The following PRKACB variants were observed in gnomAD, a reference collection of about 807,000 sequenced individuals.
PRKACB encodes cAMP-dependent protein kinase catalytic subunit beta.
Under a neutral mutation model 51.4 loss-of-function variants are expected in PRKACB, and 16 were observed. That is an observed-to-expected ratio of 0.31 (90% CI 0.21 to 0.47). The LOEUF is 0.47. Among genes scored for constraint, PRKACB ranks in the 20% least tolerant of loss-of-function variants. The pLI, the probability that PRKACB is intolerant of heterozygous loss-of-function variation, is 1.00. For synonymous variants in PRKACB, 147 were observed against 154.4 expected (o/e 0.95, Z 0.35); for missense variants, 309 against 464.5 (o/e 0.67, Z 3.08).
chr1:84,191,373 G>T (rs546864513), intron 5 of PRKACB, among the ~76,000 whole-genome samples: 2 of 152,022 alleles, frequency 1.3e-5, no homozygotes, highest in African/African-American at 4.8e-5. Flanking sequence ...GGATTGTAAG[G>T]TATAAGCTGA....
intron 1 of PRKACB, among the ~76,000 whole-genome samples, chr1:84,127,637 GT>G (rs1041446081): frequency 4.6e-5 from 7 of 151,734 alleles, no homozygotes; most frequent in Non-Finnish European, 8.8e-5. Context: ...AATTTTGCGG[GT>G]TTTTTTTCTT....
chr1:84,185,223 G>A lies in PRKACB; in HGVS notation c.560+41G>A, dbSNP rs760547513. ...GCTTTCTTCAAATCTTTATATGCTTGTGTTGTTTAACCAGATTTTTAAGTT... is the reference window on the plus strand; with the variant it reads ...GCTTTCTTCAAATCTTTATATGCTTATGTTGTTTAACCAGATTTTTAAGTT... On this transcript the variant is annotated intron_variant, in intron 5 of 9. Transcript: ENST00000370685. 2.9e-6 allele frequency: 4 copies of A among 1,381,190 alleles called. No homozygotes were observed. The African/African-American group carries it at 6.1e-5, about 21-fold the overall frequency. The allele number at this position is 1,381,190 out of a possible 1,614,324, so 85.6% of individuals were successfully genotyped here.
intron 3 of PRKACB, 139 bp from the exon 4 acceptor site, chr1:84,183,898 G>T (rs552447140): frequency 4.5e-6 from 4 of 879,600 alleles, no homozygotes; most frequent in South Asian, 6.0e-5. Flanking sequence ...CTAAAAGTTG[G>T]TAATTGTTAT....
chr1:84,165,109 C>G, intron 1 of PRKACB: 2 of 994,704 alleles, frequency 2.0e-6, no homozygotes, highest in Non-Finnish European at 2.9e-6. Context: ...AAAGCCACAG[C>G]TACTGTGAAT....
chr1:84,173,991 C>T (rs537998313), intron 1 of PRKACB, among the ~76,000 whole-genome samples: 1 of 151,878 alleles, frequency 6.6e-6, no homozygotes, highest in South Asian at 2.1e-4. Context: ...ATTATTTTAT[C>T]CTATTCCCCT....
intron 1 of PRKACB, among the ~76,000 whole-genome samples, chr1:84,132,796 A>G (rs2100558887): frequency 6.6e-6 from 1 of 152,296 alleles, no homozygotes; most frequent in Admixed American, 6.5e-5. Flanking sequence ...TCAGTGAGGC[A>G]AAAATAGGTC....
At chr1:84,224,501 T>A (rs1326144690) in intron 9 of PRKACB, among the ~76,000 whole-genome samples, 4 of 152,112 alleles carry the variant, frequency 2.6e-5, no homozygotes, top group African/African-American at 9.7e-5. Context: ...GTGGCATATG[T>A]GGGTAAGCGC....
chr1:84,202,375 G>C (rs189612412), intron 7 of PRKACB, among the ~76,000 whole-genome samples: 2 of 152,028 alleles, frequency 1.3e-5, no homozygotes, highest in African/African-American at 4.8e-5. Flanking sequence ...CTGTTATTGA[G>C]CAAGAACTAA....
At chr1:84,172,007 G>A (rs1201375814) in intron 1 of PRKACB, among the ~76,000 whole-genome samples, 6 of 151,704 alleles carry the variant, frequency 4.0e-5, no homozygotes, top group East Asian at 3.9e-4. Flanking sequence ...AAATTCTACC[G>A]AGGGATATTT....
At chr1:84,188,332 T>C (rs1476348514) in intron 5 of PRKACB, among the ~76,000 whole-genome samples, 1 of 151,996 alleles carries the variant, frequency 6.6e-6, no homozygotes, top group East Asian at 1.9e-4. Context: ...TCTTTTTTTA[T>C]TAGGGTTCTG....
chr1:84,161,536 TC>T (rs1656192452), intron 1 of PRKACB, among the ~76,000 whole-genome samples: 1 of 151,886 alleles, frequency 6.6e-6, no homozygotes, highest in Admixed American at 6.6e-5. Context: ...GTTCCTCTTT[TC>T]CCTTTCTACC....
At chr1:84,135,390 G>T (rs1652699603) in intron 1 of PRKACB, among the ~76,000 whole-genome samples, 1 of 152,164 alleles carries the variant, frequency 6.6e-6, no homozygotes, top group Admixed American at 6.5e-5. Context: ...GAAAATCAGT[G>T]TAAGTAGGTA....
intron 1 of PRKACB, among the ~76,000 whole-genome samples, chr1:84,135,072 T>G (rs1343697833): frequency 6.6e-6 from 1 of 152,154 alleles, no homozygotes; most frequent in Non-Finnish European, 1.5e-5. Context: ...AGGAGCGAGA[T>G]GGAGAAAGAT....
At chr1:84,156,013 G>A (rs1487295210) in intron 1 of PRKACB, among the ~76,000 whole-genome samples, 1 of 152,092 alleles carries the variant, frequency 6.6e-6, no homozygotes, top group Admixed American at 6.5e-5. Flanking sequence ...TTTGGAGACA[G>A]GGTCTTGCTA....
At chr1:84,178,676 C>T (rs1489855442) in intron 1 of PRKACB, among the ~76,000 whole-genome samples, 1 of 151,728 alleles carries the variant, frequency 6.6e-6, no homozygotes, top group East Asian at 1.9e-4. Flanking sequence ...TATTTTTTCC[C>T]TTTGCCATTA....
intron 1 of PRKACB, among the ~76,000 whole-genome samples, chr1:84,152,131 T>C (rs1261235361): frequency 6.6e-6 from 1 of 152,210 alleles, no homozygotes; most frequent in African/African-American, 2.4e-5. Flanking sequence ...TACATCGAGC[T>C]CTTGGGTGAT....
rs143624941 is a variant in PRKACB, at chr1:84,214,286, C to T, written c.1040C>T (p.Thr347Met). ...SDIKTHKWFA[T>M]TDWIAIYQRK... ...ATAAAAACTCACAAGTGGTTTGCCA[C>T]GACAGATTGGATTGCTATTTACCAG... Residue 347 changes from threonine to methionine, a missense_variant, in exon 9 of 10, where the codon ACG becomes ATG. Around this residue, in one of 3 missense-constraint regions of PRKACB, gnomAD observed 96 missense variants for 129.9 expected, o/e 0.74. Coordinates refer to ENST00000370685, the MANE Select transcript of PRKACB (RefSeq NM_182948.4). The T allele has an allele frequency of 4.8e-4, 770 of 1,607,894 alleles. 4 individuals are homozygous for T. The highest frequency in any genetic ancestry group is 3.8e-3 in the Middle Eastern group (23 of 6,032).
At position 84,224,514 on chromosome 1, in the gene PRKACB, G is replaced by T. The variant is rs534937974; in HGVS notation, c.1071+10197G>T. Among the ~76,000 whole-genome samples the T allele has an allele frequency of 8.5e-5, 13 of 152,346 alleles. No homozygotes were observed. The East Asian group carries it at 1.2e-3, about 14-fold the overall frequency. Reference sequence around the variant, plus strand: ...AGGTGGCATATGTGGGTAAGCGCCAGCAGTGGTAGTGGTGGCAGACTGGGC... The same window carrying T: ...AGGTGGCATATGTGGGTAAGCGCCATCAGTGGTAGTGGTGGCAGACTGGGC... On this transcript the variant is annotated intron_variant, in intron 9 of 9. Coordinates refer to ENST00000370685, the MANE Select transcript of PRKACB (RefSeq NM_182948.4).
chr1:84,140,739 C>T (rs1653321896), upstream of PRKACB, among the ~76,000 whole-genome samples: 1 of 151,958 alleles, frequency 6.6e-6, no homozygotes, highest in African/African-American at 2.4e-5. Context: ...ATTTTTTCAC[C>T]CCAACTTCTT....
Sources: gnomAD v4.1 joint callset for allele counts (sites outside exome capture counted in the v4.1 genomes callset) on GRCh38, gnomAD v4.1.1 for gene constraint, gnomAD v4.1.1 regional missense constraint, MANE v1.5 for transcripts, NCBI Gene and HGNC (gene_info 2026-07-23, HGNC 2026-07-21) for gene names.